PKP2: variants seen among roughly 807,000 people sequenced by gnomAD.
The protein encoded by PKP2 is plakophilin 2.
In PKP2, 73 loss-of-function variants were observed where a neutral mutation model predicts 83.4. The observed-to-expected ratio is 0.88, with a 90% confidence interval of 0.72 to 1.06. PKP2 has a LOEUF of 1.06. Among genes scored for constraint, PKP2 ranks in the 50% least tolerant of loss-of-function variants. The pLI, the probability that PKP2 is intolerant of heterozygous loss-of-function variation, is 0.00. For missense variants in PKP2, 966 were observed against 1,065.4 expected (o/e 0.91, Z 1.30); for synonymous variants, 409 against 430.4 (o/e 0.95, Z 0.62).
chr12:32,814,787 TG>T (rs1248521322), intron 9 of PKP2, among the ~76,000 whole-genome samples: 4 of 151,988 alleles, frequency 2.6e-5, no homozygotes, highest in African/African-American at 9.7e-5. Flanking sequence ...TAGCTGAGCA[TG>T]GTGGTTGGCG....
intron 3 of PKP2, among the ~76,000 whole-genome samples, chr12:32,875,749 G>C (rs1315443260): frequency 1.3e-5 from 2 of 152,178 alleles, no homozygotes; most frequent in Non-Finnish European, 2.9e-5. Context: ...AGAGGGAGAA[G>C]ATAAGAATGA....
intron 10 of PKP2, among the ~76,000 whole-genome samples, chr12:32,797,163 G>C (rs1956133453): frequency 6.6e-6 from 1 of 152,036 alleles, no homozygotes; most frequent in African/African-American, 2.4e-5. Context: ...TTATTGGCCA[G>C]GTTCGGTGGC....
chr12:32,842,370 G>A (rs1487591557), intron 5 of PKP2, among the ~76,000 whole-genome samples: 1 of 151,996 alleles, frequency 6.6e-6, no homozygotes, highest in Non-Finnish European at 1.5e-5. Context: ...AGCCTCCCAA[G>A]TAGCTGGAAT....
At chr12:32,886,492 T>C (rs11052286) in intron 1 of PKP2, among the ~76,000 whole-genome samples, 80,706 of 152,048 alleles carry the variant, frequency 0.53, 24,436 homozygotes, top group Non-Finnish European at 0.71. Flanking sequence ...CACTCCTGAG[T>C]TGGTGAAGGA....
intron 6 of PKP2, among the ~76,000 whole-genome samples, chr12:32,839,374 C>G (rs974630063): frequency 7.7e-6 from 1 of 130,222 alleles, no homozygotes; most frequent in African/African-American, 2.9e-5. Flanking sequence ...AAGATGTGCA[C>G]TTTTTTTTTT....
chr12:32,797,445 CA>C (rs548021913), intron 10 of PKP2, among the ~76,000 whole-genome samples: 5,626 of 67,190 alleles, frequency 0.084, 476 homozygotes, highest in African/African-American at 0.26. Flanking sequence ...GACCCTGTCT[CA>C]AAAAAAAAAA....
chr12:32,835,080 GTC>G (rs1286818826), intron 6 of PKP2, among the ~76,000 whole-genome samples: 1 of 148,400 alleles, frequency 6.7e-6, no homozygotes, highest in Non-Finnish European at 1.5e-5. Flanking sequence ...TTGAAGTAGA[GTC>G]TTGCTCTGTT....
chr12:32,823,907 T>G (rs925377395), intron 7 of PKP2, 138 bp downstream of exon 7: 1 of 693,162 alleles, frequency 1.4e-6, no homozygotes, highest in African/African-American at 1.8e-5. Flanking sequence ...GGCCTAGGTT[T>G]TAATATTTCT....
chr12:32,878,460 G>A lies in PKP2; in HGVS notation c.420C>T (p.Ser140=), dbSNP rs2389115. 2 of 1,614,130 alleles carry A rather than the reference G, an allele frequency of 1.2e-6. No individual in the cohort carries two copies. The highest frequency in any genetic ancestry group is 4.5e-5 in the East Asian group (2 of 44,858). The part of the protein sequence containing the change: ...YSSQKSVEER[S]LRHPLRRLEI... ...CCAGTCTCCTCAGAGGATGCCTCAA[G>A]GACCTTTCTTCCACGGACTTCTGGG... is the stretch of plus-strand genomic sequence containing the variant. Residue 140 remains serine (S), a synonymous_variant, in exon 3 of 13, where the codon TCC becomes TCT. Coordinates refer to ENST00000340811, the MANE Select transcript of PKP2 (RefSeq NM_001005242.3).
chr12:32,795,118 C>A (rs1020595110), intron 11 of PKP2, among the ~76,000 whole-genome samples: 8 of 151,988 alleles, frequency 5.3e-5, no homozygotes, highest in Admixed American at 4.6e-4. Flanking sequence ...TCTTCATGCC[C>A]CTTTCCAATC....
chr12:32,863,955 C>T (rs1052891416), intron 4 of PKP2, among the ~76,000 whole-genome samples: 8 of 152,136 alleles, frequency 5.3e-5, no homozygotes, highest in Non-Finnish European at 1.0e-4. Context: ...AGTGACAGTA[C>T]ATCATAACCA....
At chr12:32,807,087 G>T (rs552934554) in intron 9 of PKP2, among the ~76,000 whole-genome samples, 5 of 151,960 alleles carry the variant, frequency 3.3e-5, no homozygotes, top group African/African-American at 1.2e-4. Flanking sequence ...TTATGATTTC[G>T]GTTCTTTTGC....
At chr12:32,852,970 G>A (rs367651188) in intron 4 of PKP2, among the ~76,000 whole-genome samples, 40 of 152,250 alleles carry the variant, frequency 2.6e-4, no homozygotes, top group African/African-American at 8.4e-4. Context: ...TGTAATCCCA[G>A]CTACTTGGGA....
chr12:32,812,172 C>T (rs956011849), intron 9 of PKP2, among the ~76,000 whole-genome samples: 10 of 143,124 alleles, frequency 7.0e-5, no homozygotes, highest in Non-Finnish European at 1.3e-4. Flanking sequence ...TGTGTGCCTG[C>T]GTTTTGACTG....
chr12:32,873,124 G>A (rs1956907737), intron 3 of PKP2, among the ~76,000 whole-genome samples: 1 of 152,122 alleles, frequency 6.6e-6, no homozygotes. Context: ...CTTTGAGACA[G>A]GGTCTCACTC....
intron 4 of PKP2, among the ~76,000 whole-genome samples, chr12:32,861,425 G>A (rs1202770572): frequency 1.3e-5 from 2 of 152,046 alleles, no homozygotes; most frequent in Non-Finnish European, 2.9e-5. Context: ...TACAATGTAT[G>A]AAGAAAAAAT....
intron 3 of PKP2, among the ~76,000 whole-genome samples, chr12:32,871,808 C>T (rs1956898591): frequency 6.6e-6 from 1 of 152,132 alleles, no homozygotes; most frequent in South Asian, 2.1e-4. Context: ...CTATATTGCC[C>T]AGGCTGGTCT....
intron 9 of PKP2, among the ~76,000 whole-genome samples, chr12:32,813,706 C>T (rs1160260443): frequency 6.6e-6 from 1 of 151,490 alleles, no homozygotes; most frequent in East Asian, 2.0e-4. Flanking sequence ...CACTTGAACC[C>T]TGGTGGTCAA....
intron 6 of PKP2, among the ~76,000 whole-genome samples, chr12:32,837,122 C>T (rs1956550935): frequency 6.6e-6 from 1 of 152,202 alleles, no homozygotes; most frequent in African/African-American, 2.4e-5. Flanking sequence ...GATACAGTGC[C>T]CATAATGACA....
Sources: allele counts gnomAD v4.1 joint callset (sites outside exome capture counted in the v4.1 genomes callset), GRCh38; gene constraint gnomAD v4.1.1; transcripts MANE v1.5; gene names NCBI Gene and HGNC (gene_info 2026-07-23, HGNC 2026-07-21).